FRMPD4: variants seen among roughly 807,000 people sequenced by gnomAD.
FRMPD4 encodes FERM and PDZ domain containing 4.
A neutral mutation model predicts 94.1 loss-of-function variants in FRMPD4; 22 were observed. The ratio of observed to expected loss-of-function variants is 0.23; its 90% CI spans 0.17 to 0.33. The LOEUF is 0.33. Ranked by LOEUF, FRMPD4 falls within the 10% of genes least tolerant of loss-of-function variation. The probability of loss-of-function intolerance (pLI) is 1.00; values close to 1 mark genes in which losing one functional copy is unlikely to be tolerated. For missense variants in FRMPD4, 1,111 were observed against 1,339.9 expected (o/e 0.83, Z 2.67); for synonymous variants, 631 against 548.6 (o/e 1.15, Z -2.10).
rs1173561888 is a variant in FRMPD4, at chrX:12,451,502, ACATAT to A, written c.42-47172_42-47168del. Among the ~76,000 whole-genome samples, 8 of 111,911 alleles carry A rather than the reference ACATAT, an allele frequency of 7.1e-5. No homozygotes were observed. The South Asian group carries it at 2.3e-3, about 32-fold the overall frequency. ...TGAAGGAAAGGGACAAAGATGGCAT[ACATAT>A]CATATTTTGACTGATACCTATTTCT... On this transcript the variant is annotated intron_variant, in intron 1 of 16. Transcript: ENST00000675598.
intron 2 of FRMPD4, among the ~76,000 whole-genome samples, chrX:11,865,532 T>G (rs1292341813): frequency 8.9e-6 from 1 of 112,032 alleles, no homozygotes; most frequent in Non-Finnish European, 1.9e-5. Context: ...AGTGCTAAAG[T>G]GCATTCCATA....
At chrX:12,199,263 GTGTGTGTA>G (rs1370243441) in intron 1 of FRMPD4, among the ~76,000 whole-genome samples, 2,494 of 103,292 alleles carry the variant, frequency 0.024, 69 homozygotes, top group African/African-American at 0.079. Flanking sequence ...GTGTGTGTGT[GTGTGTGTA>G]TGTGTGTGTG....
At chrX:12,129,356 A>G (rs2055527182) in intron 3 of FRMPD4, among the ~76,000 whole-genome samples, 2 of 111,694 alleles carry the variant, frequency 1.8e-5, no homozygotes, top group African/African-American at 3.3e-5. Flanking sequence ...AGCAAAGGGG[A>G]AAAACCCCTT....
At chrX:12,427,895 C>CTTTTTTTTTT (rs1569272212) in intron 1 of FRMPD4, among the ~76,000 whole-genome samples, 1 of 60,799 alleles carries the variant, frequency 1.6e-5, no homozygotes, top group Non-Finnish European at 3.0e-5. Context: ...TTCCTTTTTT[C>CTTTTTTTTTT]TCTTTTTTTT....
At chrX:12,552,908 C>A (rs1474491362) in intron 2 of FRMPD4, among the ~76,000 whole-genome samples, 1 of 112,358 alleles carries the variant, frequency 8.9e-6, no homozygotes, top group Non-Finnish European at 1.9e-5. Context: ...GTAATCCTAG[C>A]ACTTTGGGAG....
chrX:12,228,223 G>A (rs1325747058), intron 1 of FRMPD4, among the ~76,000 whole-genome samples: 1 of 111,686 alleles, frequency 9.0e-6, no homozygotes, highest in Non-Finnish European at 1.9e-5. Flanking sequence ...ATACTTTTAG[G>A]GTTTCCTTGC....
At chrX:12,169,714 G>A (rs2056187356) in intron 1 of FRMPD4, among the ~76,000 whole-genome samples, 1 of 112,064 alleles carries the variant, frequency 8.9e-6, no homozygotes. Flanking sequence ...TATACTTCTT[G>A]AGTTAACTTT....
chrX:12,527,490 T>G (rs1403361849), intron 2 of FRMPD4, among the ~76,000 whole-genome samples: 1 of 94,563 alleles, frequency 1.1e-5, no homozygotes, highest in East Asian at 2.9e-4. Context: ...AGTTACAGTT[T>G]TTTTTTTTTT....
intron 3 of FRMPD4, among the ~76,000 whole-genome samples, chrX:11,901,244 C>T (rs2053935849): frequency 9.0e-6 from 1 of 111,242 alleles, no homozygotes; most frequent in African/African-American, 3.3e-5. Context: ...TATCCTTCAC[C>T]CCCTCCCAAC....
At chrX:11,996,842 A>G (rs2054498779) in intron 3 of FRMPD4, among the ~76,000 whole-genome samples, 1 of 112,044 alleles carries the variant, frequency 8.9e-6, no homozygotes, top group African/African-American at 3.2e-5. Context: ...TGGGAAGACA[A>G]GATAGACATA....
chrX:11,845,400 C>T (rs113499260), intron 1 of FRMPD4, among the ~76,000 whole-genome samples: 4 of 111,108 alleles, frequency 3.6e-5, no homozygotes, highest in African/African-American at 9.8e-5. Context: ...GCTTACCAAC[C>T]AAAAAGAGTC....
chrX:12,542,343 T>C (rs748091923), intron 2 of FRMPD4, among the ~76,000 whole-genome samples: 1 of 112,088 alleles, frequency 8.9e-6, no homozygotes, highest in East Asian at 2.8e-4. Flanking sequence ...ACAACCCCAT[T>C]ATCTCAGCCC....
Position 12,232,404 on chromosome X carries a change from G to A in FRMPD4, c.41+93392G>A, listed in dbSNP as rs541246032. 1.8e-4 allele frequency among the ~76,000 whole-genome samples: 20 copies of A among 111,360 alleles called. 1 individual carries two copies. The South Asian group carries it at 4.2e-3, about 24-fold the overall frequency. The stretch of plus-strand genomic sequence containing the variant: ...GAGAGAAGAATGAGAGCTGAGTGAA[G>A]GGGGAAGCCCTTGTAAAACCATTAG... On this transcript the variant is annotated intron_variant, in intron 1 of 16. Transcript: ENST00000675598.
At chrX:12,023,714 T>C (rs2054644296) in intron 3 of FRMPD4, among the ~76,000 whole-genome samples, 1 of 111,435 alleles carries the variant, frequency 9.0e-6, no homozygotes, top group Non-Finnish European at 1.9e-5. Context: ...GTCTTTATGC[T>C]CTCTCATCCA....
In FRMPD4 at chrX:12,720,564, G is replaced by A; in HGVS notation, c.3995G>A (p.Gly1332Glu). 1 of 1,203,851 alleles carries A rather than the reference G, an allele frequency of 8.3e-7. No individual in the cohort carries two copies. The highest frequency in any genetic ancestry group is 1.1e-6 in the Non-Finnish European group (1 of 889,216). Residue 1332 changes from glycine to glutamate, a missense_variant, in exon 17 of 17, where the codon GGA becomes GAA. Transcript: ENST00000675598. ...ACAGAGCCTGGGAAGGAGAGACGAGGAGGCATGCCTTCAGCTTGGTCTCAA... is the reference window on the plus strand; with the variant it reads ...ACAGAGCCTGGGAAGGAGAGACGAGAAGGCATGCCTTCAGCTTGGTCTCAA... ...ALTEPGKERRGGMPSAWSQHP... is the reference protein window; with the variant it reads ...ALTEPGKERREGMPSAWSQHP...
At chrX:12,313,491 C>T (rs1260953352) in intron 1 of FRMPD4, among the ~76,000 whole-genome samples, 1 of 112,498 alleles carries the variant, frequency 8.9e-6, no homozygotes, top group Non-Finnish European at 1.9e-5. Flanking sequence ...ATCTGGAAAG[C>T]TGGTGGAACA....
At chrX:12,234,626 A>G (rs1049783893) in intron 1 of FRMPD4, among the ~76,000 whole-genome samples, 1 of 111,938 alleles carries the variant, frequency 8.9e-6, no homozygotes, top group Non-Finnish European at 1.9e-5. Context: ...AATGATGCCA[A>G]CCACCTCCAG....
chrX:12,553,488 C>T (rs945100815), intron 2 of FRMPD4, among the ~76,000 whole-genome samples: 1 of 84,334 alleles, frequency 1.2e-5, no homozygotes, highest in East Asian at 3.9e-4. Flanking sequence ...AATTTATTTG[C>T]AACAACATAC....
chrX:12,632,368 G>A (rs1365320550), intron 4 of FRMPD4, among the ~76,000 whole-genome samples: 1 of 111,763 alleles, frequency 8.9e-6, no homozygotes, highest in African/African-American at 3.3e-5. Context: ...GTCCTTCAAT[G>A]GAAGGACATT....
Sources: gnomAD v4.1 joint callset for allele counts (sites outside exome capture counted in the v4.1 genomes callset) on GRCh38, gnomAD v4.1.1 for gene constraint, MANE v1.5 for transcripts, NCBI Gene and HGNC (gene_info 2026-07-23, HGNC 2026-07-21) for gene names.